RARB: variants seen among roughly 807,000 people sequenced by gnomAD.
RARB encodes the protein HBV-activated protein.
A neutral mutation model predicts 51.9 loss-of-function variants in RARB; 17 were observed. The observed-to-expected ratio is 0.33, with a 90% CI of 0.22 to 0.49. RARB has a LOEUF of 0.49. RARB is among the 20% of genes least tolerant of loss of function. The probability of loss-of-function intolerance (pLI) is 0.99; values close to 1 mark genes in which losing one functional copy is unlikely to be tolerated. For synonymous variants in RARB, 215 were observed against 195.4 expected (o/e 1.10, Z -0.84); for missense variants, 369 against 550.8 (o/e 0.67, Z 3.30).
intron 2 of RARB, among the ~76,000 whole-genome samples, chr3:24,882,213 A>G (rs1703181336): frequency 6.6e-6 from 1 of 152,212 alleles, no homozygotes; most frequent in South Asian, 2.1e-4. Context: ...ACAAGTAGCT[A>G]AGAGAGTTGA....
chr3:24,951,793 T>G (rs1695898628), intron 2 of RARB, among the ~76,000 whole-genome samples: 1 of 152,166 alleles, frequency 6.6e-6, no homozygotes, highest in Non-Finnish European at 1.5e-5. Context: ...CCCCACTCTT[T>G]TGGACAAAAA....
intron 2 of RARB, among the ~76,000 whole-genome samples, chr3:24,975,062 G>C (rs1158763347): frequency 2.0e-5 from 3 of 152,154 alleles, no homozygotes; most frequent in African/African-American, 7.2e-5. Context: ...TTTTAATTGA[G>C]TTGAAATGAG....
chr3:25,316,123 T>A (rs975458544), intron 5 of RARB, among the ~76,000 whole-genome samples: 1 of 152,220 alleles, frequency 6.6e-6, no homozygotes, highest in African/African-American at 2.4e-5. Flanking sequence ...GATAGATGTC[T>A]ATTGTCTGTA....
chr3:24,860,307 G>A (rs926853819), intron 2 of RARB, among the ~76,000 whole-genome samples: 5 of 152,124 alleles, frequency 3.3e-5, no homozygotes, highest in African/African-American at 1.2e-4. Flanking sequence ...TGCCTTCCCA[G>A]CCAGTAACCT....
chr3:24,978,079 C>T (rs572441047), intron 2 of RARB, among the ~76,000 whole-genome samples: 4 of 152,246 alleles, frequency 2.6e-5, no homozygotes, highest in Admixed American at 6.5e-5. Flanking sequence ...GTTGAACCTG[C>T]CTTGCATCCC....
chr3:25,527,279 G>A (rs1475892948), intron 3 of RARB, among the ~76,000 whole-genome samples: 3 of 152,186 alleles, frequency 2.0e-5, no homozygotes, highest in Non-Finnish European at 4.4e-5. Context: ...AGCTCTGCAG[G>A]CAACAGCTCC....
chr3:25,334,521 G>T (rs1705004496), intron 5 of RARB, among the ~76,000 whole-genome samples: 1 of 152,050 alleles, frequency 6.6e-6, no homozygotes, highest in Non-Finnish European at 1.5e-5. Flanking sequence ...ACACACTGGG[G>T]CCTGTTGTGG....
intron 5 of RARB, among the ~76,000 whole-genome samples, chr3:25,368,867 C>A (rs1472057828): frequency 6.6e-6 from 1 of 152,156 alleles, no homozygotes; most frequent in African/African-American, 2.4e-5. Context: ...ATAGTCATTC[C>A]TTACTGTCAA....
chr3:24,978,078 G>A (rs999035992), intron 2 of RARB, among the ~76,000 whole-genome samples: 3 of 152,136 alleles, frequency 2.0e-5, no homozygotes, highest in Non-Finnish European at 4.4e-5. Context: ...TGTTGAACCT[G>A]CCTTGCATCC....
intron 2 of RARB, among the ~76,000 whole-genome samples, chr3:24,869,723 T>C (rs1240389237): frequency 6.6e-6 from 1 of 152,102 alleles, no homozygotes; most frequent in Non-Finnish European, 1.5e-5. Flanking sequence ...TTTTAAATTT[T>C]TTGCATTTTA....
At chr3:24,964,275 C>G (rs375307130) in intron 2 of RARB, among the ~76,000 whole-genome samples, 61 of 152,192 alleles carry the variant, frequency 4.0e-4, no homozygotes, top group African/African-American at 1.4e-3. Context: ...TAGGAATTTA[C>G]AAATCAAATT....
intron 5 of RARB, among the ~76,000 whole-genome samples, chr3:25,256,777 G>A (rs1702875404): frequency 6.6e-6 from 1 of 151,876 alleles, no homozygotes; most frequent in South Asian, 2.1e-4. Flanking sequence ...TGGCAAACGT[G>A]TATAATGATG....
At position 25,185,392 on chromosome 3, in the gene RARB, T is replaced by C. The variant is rs573401357; in HGVS notation, c.178+10817T>C. Among the ~76,000 whole-genome samples the C allele has an allele frequency of 7.9e-5, 12 of 152,240 alleles. 1 individual carries two copies. Among genetic ancestry groups the C allele is most frequent in the Admixed American group, 7.9e-4 (12 of 15,278 alleles). On this transcript the variant is annotated intron_variant, in intron 5 of 11. Transcript: ENST00000383772. Reference sequence around the variant, plus strand: ...GACCTGCGGGGTCTGCATGTCACTTTGTCCTTTATAAACAATCTCTAATAA... The same window carrying C: ...GACCTGCGGGGTCTGCATGTCACTTCGTCCTTTATAAACAATCTCTAATAA...
intron 3 of RARB, among the ~76,000 whole-genome samples, chr3:25,082,917 A>G (rs1036066037): frequency 6.6e-6 from 1 of 152,080 alleles, no homozygotes; most frequent in Non-Finnish European, 1.5e-5. Context: ...TTTATTTTTC[A>G]AGAATAATTT....
chr3:25,312,303 C>T (rs1047947308), intron 5 of RARB, among the ~76,000 whole-genome samples: 2 of 152,134 alleles, frequency 1.3e-5, no homozygotes, highest in African/African-American at 4.8e-5. Flanking sequence ...CATTCATATT[C>T]ACTGTTTGAT....
At chr3:25,035,421 CTTTTTTTTT>C (rs140970899) in intron 2 of RARB, among the ~76,000 whole-genome samples, 10 of 121,644 alleles carry the variant, frequency 8.2e-5, no homozygotes, top group African/African-American at 2.8e-4. Context: ...TGCGTCCAGC[CTTTTTTTTT>C]TTTTTTTTTT....
At chr3:25,216,610 A>C (rs1701838482) in intron 5 of RARB, among the ~76,000 whole-genome samples, 1 of 151,820 alleles carries the variant, frequency 6.6e-6, no homozygotes, top group Non-Finnish European at 1.5e-5. Context: ...AGGGGAAGGA[A>C]CTTAGAGGAT....
At chr3:25,392,778 G>A (rs1707003084) in intron 5 of RARB, among the ~76,000 whole-genome samples, 1 of 152,002 alleles carries the variant, frequency 6.6e-6, no homozygotes, top group Non-Finnish European at 1.5e-5. Context: ...TCAGATTTAG[G>A]AGCTTTTTGG....
intron 5 of RARB, among the ~76,000 whole-genome samples, chr3:25,335,211 T>C (rs551172743): frequency 3.9e-5 from 6 of 152,310 alleles, no homozygotes; most frequent in Admixed American, 1.3e-4. Flanking sequence ...GTGAGTGCTT[T>C]GGTGTGTGGC....
Sources: gnomAD v4.1 joint callset for allele counts (sites outside exome capture counted in the v4.1 genomes callset) on GRCh38, gnomAD v4.1.1 for gene constraint, MANE v1.5 for transcripts, NCBI Gene and HGNC (gene_info 2026-07-23, HGNC 2026-07-21) for gene names.